Variants in CLIP4 observed in about 807,000 individuals in gnomAD.
CLIP4 encodes CAP-Gly domain-containing linker protein 4.
A neutral mutation model predicts 73.1 loss-of-function variants in CLIP4; 47 were observed. That is an observed-to-expected ratio of 0.64 (90% confidence interval 0.51 to 0.82). The LOEUF is 0.82. CLIP4 is among the 40% of genes least tolerant of loss of function. CLIP4 has a pLI of 0.00. For synonymous variants in CLIP4, 306 were observed against 295.4 expected (o/e 1.04, Z -0.37); for missense variants, 874 against 852.9 (o/e 1.02, Z -0.31).
intron 11 of CLIP4, among the ~76,000 whole-genome samples, chr2:29,157,607 C>G (rs528896421): frequency 6.6e-6 from 1 of 152,060 alleles, no homozygotes; most frequent in African/African-American, 2.4e-5. Context: ...TCTTCACAGG[C>G]CTTTGTGTCA....
At chr2:29,170,297 A>C (rs1157496773) in intron 14 of CLIP4, among the ~76,000 whole-genome samples, 1 of 152,098 alleles carries the variant, frequency 6.6e-6, no homozygotes, top group Non-Finnish European at 1.5e-5. Context: ...GGATTATATG[A>C]TAGTTCTATT....
Position 29,167,457 on chromosome 2 carries a change from T to TC in CLIP4, c.1659-17dup, listed in dbSNP as rs767102780. On this transcript the variant is annotated intron_variant, in intron 13 of 15. Coordinates refer to ENST00000320081, the MANE Select transcript of CLIP4 (RefSeq NM_024692.6). ...AAGACCAGCTACTTCTAACGAGATG[T>TC]CCTTTGTTTTATTCATAGAGTAACA... is the stretch of plus-strand genomic sequence containing the variant. The TC allele has an allele frequency of 8.8e-5, 139 of 1,571,046 alleles. 2 individuals carry two copies. The highest frequency in any genetic ancestry group is 4.4e-5 in the Non-Finnish European group (51 of 1,157,054).
At chr2:29,165,975 C>CA (rs35611841) in intron 13 of CLIP4, among the ~76,000 whole-genome samples, 67,405 of 145,948 alleles carry the variant, frequency 0.46, 17,465 homozygotes, top group East Asian at 0.78. Context: ...CCCTCTTCTT[C>CA]AAAAAAAAAA....
intron 1 of CLIP4, chr2:29,118,347 A>T (rs1477303931): frequency 1.3e-5 from 2 of 151,362 alleles, no homozygotes; most frequent in South Asian, 2.1e-4. Context: ...GGAGTCTTGG[A>T]AAAAAAATCA....
chr2:29,116,737 G>A (rs1663881464), intron 1 of CLIP4, among the ~76,000 whole-genome samples: 1 of 152,108 alleles, frequency 6.6e-6, no homozygotes, highest in East Asian at 1.9e-4. Context: ...CATTTGATAC[G>A]GTCTATCTGG....
chr2:29,158,425 A>G (rs4666170), intron 11 of CLIP4, among the ~76,000 whole-genome samples: 57,014 of 151,664 alleles, frequency 0.38, 11,750 homozygotes, highest in East Asian at 0.77. Context: ...TATATTTACC[A>G]TTTAAAAAAA....
chr2:29,128,466 C>A (rs1215946701), intron 2 of CLIP4, among the ~76,000 whole-genome samples: 2 of 151,712 alleles, frequency 1.3e-5, no homozygotes, highest in Non-Finnish European at 2.9e-5. Context: ...AAACAAAACC[C>A]CTTGACTTTT....
chr2:29,102,813 A>G (rs1668088905), intron 1 of CLIP4, among the ~76,000 whole-genome samples: 1 of 152,020 alleles, frequency 6.6e-6, no homozygotes, highest in Admixed American at 6.5e-5. Flanking sequence ...TTTAGTAGAG[A>G]CAGGGTTTCG....
intron 6 of CLIP4, among the ~76,000 whole-genome samples, chr2:29,136,337 C>A (rs911209453): frequency 2.0e-5 from 3 of 151,940 alleles, no homozygotes; most frequent in African/African-American, 7.3e-5. Context: ...AAACACCTGT[C>A]TTCCCTTCCC....
At chr2:29,154,400 G>C (rs533277211) in intron 9 of CLIP4, among the ~76,000 whole-genome samples, 105 of 152,258 alleles carry the variant, frequency 6.9e-4, no homozygotes, top group African/African-American at 2.4e-3. Flanking sequence ...TGGATGGGCA[G>C]CTGTGAATGG....
intron 1 of CLIP4, among the ~76,000 whole-genome samples, chr2:29,102,712 G>A (rs750780798): frequency 1.3e-5 from 2 of 151,228 alleles, no homozygotes; most frequent in Non-Finnish European, 1.5e-5. Context: ...TGCAATCTCC[G>A]CCTCCCAGGT....
At chr2:29,117,534 A>G (rs937100259) in intron 1 of CLIP4, among the ~76,000 whole-genome samples, 1 of 151,880 alleles carries the variant, frequency 6.6e-6, no homozygotes, top group Non-Finnish European at 1.5e-5. Flanking sequence ...GTTTCACCAT[A>G]TTGGCCAGGG....
intron 14 of CLIP4, among the ~76,000 whole-genome samples, chr2:29,173,997 A>G (rs2148104464): frequency 6.6e-6 from 1 of 152,324 alleles, no homozygotes; most frequent in South Asian, 2.1e-4. Context: ...AATTCTCCAA[A>G]AGTAATGTCA....
chr2:29,136,035 A>G (rs971976416), intron 6 of CLIP4, among the ~76,000 whole-genome samples: 9 of 152,156 alleles, frequency 5.9e-5, no homozygotes, highest in Non-Finnish European at 8.8e-5. Context: ...TTGGAAATTC[A>G]TTTCGGAAAG....
intron 13 of CLIP4, among the ~76,000 whole-genome samples, chr2:29,164,858 A>C (rs977662024): frequency 1.3e-5 from 2 of 152,234 alleles, no homozygotes; most frequent in African/African-American, 2.4e-5. Context: ...TATACTTGAC[A>C]TAATTTTCTT....
chr2:29,105,077 A>G (rs1381863351), intron 1 of CLIP4, among the ~76,000 whole-genome samples: 1 of 152,100 alleles, frequency 6.6e-6, no homozygotes, highest in Non-Finnish European at 1.5e-5. Context: ...GGTTAAAATG[A>G]TGATTTGTGG....
At chr2:29,111,049 T>C (rs139805671), upstream of CLIP4, among the ~76,000 whole-genome samples, 588 of 152,294 alleles carry the variant, frequency 3.9e-3, 7 homozygotes, top group African/African-American at 0.013. Flanking sequence ...TCCTGGAAAC[T>C]GCATGAACAA....
At chr2:29,097,979 C>T (rs1184230826) in intron 1 of CLIP4, 1 of 152,188 alleles carries the variant, frequency 6.6e-6, no homozygotes, top group East Asian at 1.9e-4. Context: ...ATCTCCTGTC[C>T]ATACAGCCCT....
At chr2:29,112,137 T>C (rs1340032770), upstream of CLIP4, among the ~76,000 whole-genome samples, 2 of 152,248 alleles carry the variant, frequency 1.3e-5, no homozygotes, top group African/African-American at 4.8e-5. Context: ...TATGTGTTCC[T>C]ATACCAGTAC....
Sources: gnomAD v4.1 joint callset for allele counts (sites outside exome capture counted in the v4.1 genomes callset) on GRCh38, gnomAD v4.1.1 for gene constraint, MANE v1.5 for transcripts, NCBI Gene and HGNC (gene_info 2026-07-23, HGNC 2026-07-21) for gene names.